TRMT2B: variants seen among roughly 807,000 people sequenced by gnomAD.
TRMT2B encodes the protein tRNA (uracil-5-)-methyltransferase homolog B.
In TRMT2B, 34 loss-of-function variants were observed where a neutral mutation model predicts 39.7. The observed-to-expected ratio is 0.86, with a 90% CI of 0.65 to 1.14. TRMT2B has a LOEUF of 1.14. Ranked by LOEUF, TRMT2B falls within the 50% of genes most tolerant of loss-of-function variation. The pLI, the probability that TRMT2B is intolerant of heterozygous loss-of-function variation, is 0.00. For missense variants in TRMT2B, 318 were observed against 377.2 expected (o/e 0.84, Z 1.30); for synonymous variants, 132 against 137.3 (o/e 0.96, Z 0.27).
chrX:101,037,012 T>C lies in TRMT2B; in HGVS notation c.500A>G (p.Asn167Ser). 1 of 1,211,560 alleles carries C rather than the reference T, an allele frequency of 8.3e-7. No individual in the cohort carries two copies. Among genetic ancestry groups the C allele is most frequent in the Non-Finnish European group, 1.1e-6 (1 of 895,320 alleles). ...CAGGTAGAACCCCACAGTCTTTGGA[T>C]TGCCATCTGGACCTCGGTTCACAGA... ...TFSVNRGPDG[N>S]PKTVGFYLGT... Residue 167 changes from asparagine to serine, a missense_variant, in exon 6 of 14, where the codon AAT becomes AGT. Transcript: ENST00000372936.
At chrX:101,001,072 T>C in the TRMT2B span, among the ~76,000 whole-genome samples, 1 of 110,964 alleles carries the variant, frequency 9.0e-6, no homozygotes. Flanking sequence ...CCAAAGCTGC[T>C]GGTCCAGGGA....
At chrX:101,040,927 A>C (rs2088189955) in intron 4 of TRMT2B, among the ~76,000 whole-genome samples, 1 of 111,859 alleles carries the variant, frequency 8.9e-6, no homozygotes, top group Admixed American at 9.6e-5. Flanking sequence ...TGTCCAGTCA[A>C]GGCCCGGCGC....
intron 13 of TRMT2B, among the ~76,000 whole-genome samples, chrX:101,017,104 G>A (rs1179625965): frequency 4.6e-5 from 5 of 109,429 alleles, no homozygotes; most frequent in South Asian, 7.9e-4. Flanking sequence ...CTCGGGAGGC[G>A]GAGGTTGCAG....
chrX:101,015,695 T>C, intron 13 of TRMT2B: 1 of 587,880 alleles, frequency 1.7e-6, no homozygotes, highest in Non-Finnish European at 2.1e-6. Flanking sequence ...ATTTTCCAGT[T>C]TGTATGCTGT....
rs145695420 is a variant in TRMT2B at position 101,051,723 on chromosome X, T to C, written c.-496A>G. ...CCGCCCCGCGGACAGTTTGGCATAGTAGGGAGTTTTCTGTAAAGCAAGGGT... is the reference window on the plus strand; with the variant it reads ...CCGCCCCGCGGACAGTTTGGCATAGCAGGGAGTTTTCTGTAAAGCAAGGGT... On this transcript the variant is annotated 5_prime_UTR_variant, in exon 2 of 14. Transcript: ENST00000372936. The C allele has an allele frequency of 1.0e-3, 750 of 751,385 alleles. 9 individuals are homozygous for C. The African/African-American group carries it at 0.015, about 15-fold the overall frequency. The allele number at this position is 751,385 out of a possible 1,213,427, so 61.9% of individuals were successfully genotyped here.
Position 101,052,010 on chromosome X carries a change from A to AC in TRMT2B, c.-701dup, listed in dbSNP as rs1324034575. 3 of 110,650 alleles carry AC rather than the reference A, an allele frequency of 2.7e-5. No homozygotes were observed. Among genetic ancestry groups the AC allele is most frequent in the African/African-American group, 9.9e-5 (3 of 30,346 alleles). The allele number at this position is 110,650 out of a possible 1,213,427, so 9.1% of individuals were successfully genotyped here. ...GGCACCTCGACTCCTCTCGGGGAGT[A>AC]CCCCTCCCTACTTTGCTGGGGGAAC... On this transcript the variant is annotated 5_prime_UTR_variant, in exon 1 of 14. An upstream open reading frame in the 5' UTR loses its in-frame stop. Coordinates refer to ENST00000372936, the MANE Select transcript of TRMT2B (RefSeq NM_024917.6).
At chrX:101,042,537 A>C (rs1261362722) in intron 2 of TRMT2B, among the ~76,000 whole-genome samples, 3 of 112,090 alleles carry the variant, frequency 2.7e-5, no homozygotes, top group African/African-American at 9.7e-5. Context: ...CCTCCAGGAA[A>C]GAGTTCAAAT....
At chrX:101,044,797 G>C (rs1224009214) in intron 2 of TRMT2B, among the ~76,000 whole-genome samples, 1 of 91,419 alleles carries the variant, frequency 1.1e-5, no homozygotes, top group Non-Finnish European at 2.1e-5. Context: ...CTGAGATCAC[G>C]CCACTGCACT....
intron 2 of TRMT2B, among the ~76,000 whole-genome samples, chrX:101,042,729 AT>A (rs1206405534): frequency 8.9e-6 from 1 of 111,981 alleles, no homozygotes; most frequent in African/African-American, 3.2e-5. Context: ...ACAGGAAGAC[AT>A]TAGGAAATAA....
At chrX:101,035,725 GATT>G in intron 6 of TRMT2B, 42 bp from the exon 7 acceptor site, 1 of 1,123,675 alleles carries the variant, frequency 8.9e-7, no homozygotes, top group Non-Finnish European at 1.2e-6. Context: ...ATTCTTAAAA[GATT>G]ATTTAAAAGA....
chrX:100,986,996 G>A, the TRMT2B span: 8 of 527,381 alleles, frequency 1.5e-5, no homozygotes, highest in East Asian at 2.7e-4. Context: ...TGGGTTTGGG[G>A]CAAAGTCTCT....
rs557430324 is a variant in TRMT2B at position 101,014,873 on chromosome X, A to C, written c.1388+4098T>G. ...CTTTAAGTGGGTGAAGTACGCGGGG[A>C]AAGTGATACATGCCCATAGTCCCAG... On this transcript the variant is annotated intron_variant, in intron 13 of 13. Coordinates refer to ENST00000372936, the MANE Select transcript of TRMT2B (RefSeq NM_024917.6). 1.0e-3 allele frequency among the ~76,000 whole-genome samples: 114 copies of C among 110,462 alleles called. 2 individuals are homozygous for C. In the South Asian group the frequency reaches 0.042, roughly 40 times the overall value.
At chrX:101,037,668 T>C (rs770481514) in intron 5 of TRMT2B, 9 of 295,401 alleles carry the variant, frequency 3.0e-5, no homozygotes, top group African/African-American at 2.5e-4. Flanking sequence ...TGAGCGTGAA[T>C]CTCAGCTCTG....
chrX:100,992,688 T>G, the TRMT2B span, among the ~76,000 whole-genome samples: 1 of 112,208 alleles, frequency 8.9e-6, no homozygotes, highest in Non-Finnish European at 1.9e-5. Context: ...CACTTCCATT[T>G]TGCCAGGTGC....
chrX:100,990,893 G>A, the TRMT2B span: 1 of 209,711 alleles, frequency 4.8e-6, no homozygotes, highest in Admixed American at 7.1e-5. Flanking sequence ...TAAAGCCCCA[G>A]ACACTGTCTG....
the TRMT2B span, chrX:100,987,442 T>A: frequency 8.3e-7 from 1 of 1,211,276 alleles, no homozygotes; most frequent in South Asian, 1.8e-5. Context: ...CAGCCCATAG[T>A]TGAAGGACTG....
At chrX:101,027,495 G>T (rs749443579) in intron 7 of TRMT2B, among the ~76,000 whole-genome samples, 2 of 108,891 alleles carry the variant, frequency 1.8e-5, no homozygotes, top group Non-Finnish European at 3.8e-5. Flanking sequence ...GCCCACCTTG[G>T]CCTCCCAAAG....
chrX:100,986,657 T>G, the TRMT2B span: 1 of 422,375 alleles, frequency 2.4e-6, no homozygotes, highest in Non-Finnish European at 4.2e-6. Flanking sequence ...ATTAGGTATG[T>G]CTTTAAACCT....
At chrX:100,985,921 G>C in the TRMT2B span, 2 of 1,200,946 alleles carry the variant, frequency 1.7e-6, no homozygotes. Flanking sequence ...CTTAATGTAA[G>C]ATTCTGCCTT....
Sources: allele counts gnomAD v4.1 joint callset (sites outside exome capture counted in the v4.1 genomes callset), GRCh38; gene constraint gnomAD v4.1.1; transcripts MANE v1.5; gene names NCBI Gene and HGNC (gene_info 2026-07-23, HGNC 2026-07-21).